Variants in RPSA2 observed in about 807,000 individuals in gnomAD.
RPSA2 encodes small ribosomal subunit protein uS2B.
chr19:23,867,725 A>G, the RPSA2 span, among the ~76,000 whole-genome samples: 4 of 151,548 alleles, frequency 2.6e-5, no homozygotes, highest in Non-Finnish European at 4.4e-5. Context: ...AGCTACTCGG[A>G]AGGCTGAGGC....
the RPSA2 span, among the ~76,000 whole-genome samples, chr19:23,806,039 C>CT: frequency 4.8e-5 from 3 of 61,984 alleles, no homozygotes; most frequent in Non-Finnish European, 7.3e-5. Flanking sequence ...ATCTATCCTT[C>CT]TTTCTTTCTT....
At chr19:23,845,089 G>T in the RPSA2 span, among the ~76,000 whole-genome samples, 1 of 145,306 alleles carries the variant, frequency 6.9e-6, no homozygotes. Flanking sequence ...TTTTTGTATT[G>T]CTGTTGTATC....
chr19:23,835,888 C>T, the RPSA2 span, among the ~76,000 whole-genome samples: 1 of 152,180 alleles, frequency 6.6e-6, no homozygotes, highest in Middle Eastern at 3.2e-3. Flanking sequence ...TCCACCTCAG[C>T]CTCCCAGAGT....
chr19:23,823,521 C>G, the RPSA2 span, among the ~76,000 whole-genome samples: 2 of 152,166 alleles, frequency 1.3e-5, no homozygotes, highest in Non-Finnish European at 2.9e-5. Context: ...CCAAAACCAT[C>G]TCTTTCACAC....
the RPSA2 span, among the ~76,000 whole-genome samples, chr19:23,853,607 G>C: frequency 1.3e-5 from 2 of 152,314 alleles, no homozygotes; most frequent in Admixed American, 6.5e-5. Flanking sequence ...AAGAGGTTTA[G>C]TAATTCCTTC....
At chr19:23,811,762 A>G in the RPSA2 span, among the ~76,000 whole-genome samples, 1 of 152,180 alleles carries the variant, frequency 6.6e-6, no homozygotes, top group African/African-American at 2.4e-5. Flanking sequence ...TTTGTTTTAT[A>G]TATGAGGCTC....
the RPSA2 span, among the ~76,000 whole-genome samples, chr19:23,789,843 ATT>A: frequency 4.0e-5 from 6 of 151,066 alleles, no homozygotes; most frequent in Non-Finnish European, 1.5e-5. Context: ...AAGCCAAACT[ATT>A]TTTTGTATTT....
At chr19:23,836,431 TGG>T in the RPSA2 span, among the ~76,000 whole-genome samples, 1 of 152,116 alleles carries the variant, frequency 6.6e-6, no homozygotes, top group Non-Finnish European at 1.5e-5. Context: ...ATGGGCATTT[TGG>T]TTGGTTCCAG....
chr19:23,827,527 T>C, the RPSA2 span: 260 of 1,597,000 alleles, frequency 1.6e-4, 2 homozygotes, highest in Middle Eastern at 4.9e-3. Flanking sequence ...CACGGCTTCT[T>C]GTGGTTACTG....
chr19:23,838,995 G>A, the RPSA2 span, among the ~76,000 whole-genome samples: 148,744 of 152,080 alleles, frequency 0.98, 72,832 homozygotes, highest in Middle Eastern at 1. Context: ...TTTCTGCTGG[G>A]TTTGGGTTTC....
chr19:23,780,141 C>T, the RPSA2 span, among the ~76,000 whole-genome samples: 2 of 152,168 alleles, frequency 1.3e-5, no homozygotes, highest in Admixed American at 6.5e-5. Flanking sequence ...CAGGTCTCCT[C>T]TCTGTATGAA....
the RPSA2 span, among the ~76,000 whole-genome samples, chr19:23,842,211 T>C: frequency 6.6e-6 from 1 of 152,246 alleles, no homozygotes; most frequent in Non-Finnish European, 1.5e-5. Context: ...CCTAAGTTAC[T>C]GTGACTTCTC....
At chr19:23,860,468 C>T in the RPSA2 span, among the ~76,000 whole-genome samples, 1 of 152,266 alleles carries the variant, frequency 6.6e-6, no homozygotes, top group East Asian at 1.9e-4. Flanking sequence ...TCTCACTTCC[C>T]AGTTCTCCAC....
chr19:23,863,340 G>T, the RPSA2 span, among the ~76,000 whole-genome samples: 1 of 152,118 alleles, frequency 6.6e-6, no homozygotes, highest in Non-Finnish European at 1.5e-5. Flanking sequence ...AAGGAGGGTG[G>T]ATCACCTAAG....
chr19:23,818,203 T>C, the RPSA2 span: 3 of 152,206 alleles, frequency 2.0e-5, no homozygotes, highest in Non-Finnish European at 4.4e-5. Context: ...GTAGTTTGCC[T>C]GGTTACAAGA....
chr19:23,862,896 CTT>C, the RPSA2 span, among the ~76,000 whole-genome samples: 20 of 142,742 alleles, frequency 1.4e-4, no homozygotes, highest in South Asian at 9.0e-4. Context: ...TTCTTTCTTT[CTT>C]TTTTTTTTTT....
At chr19:23,802,769 T>C in the RPSA2 span, among the ~76,000 whole-genome samples, 1 of 152,192 alleles carries the variant, frequency 6.6e-6, no homozygotes, top group African/African-American at 2.4e-5. Context: ...ATGCAAGAAC[T>C]TTTAGTCTTG....
At chr19:23,855,234 G>C in the RPSA2 span, among the ~76,000 whole-genome samples, 3 of 152,152 alleles carry the variant, frequency 2.0e-5, no homozygotes, top group Non-Finnish European at 4.4e-5. Flanking sequence ...GCATGATTTA[G>C]CTGAGCCTGC....
At chr19:23,828,157 A>T in the RPSA2 span, 137 of 648,976 alleles carry the variant, frequency 2.1e-4, no homozygotes, top group Non-Finnish European at 2.8e-4. Flanking sequence ...TTATGAGTCT[A>T]TAAATGACTA....
Sources: allele counts gnomAD v4.1 joint callset (sites outside exome capture counted in the v4.1 genomes callset), GRCh38; gene constraint gnomAD v4.1.1; transcripts MANE v1.5; gene names NCBI Gene and HGNC (gene_info 2026-07-23, HGNC 2026-07-21).